The following NELL1 variants were observed in gnomAD, a reference collection of about 807,000 sequenced individuals.
NELL1 encodes neural EGFL like 1.
In NELL1, 76 loss-of-function variants were observed where a neutral mutation model predicts 107.4. That is an observed-to-expected ratio of 0.71 (90% CI 0.59 to 0.86). NELL1 has a LOEUF of 0.86. Ranked by LOEUF, NELL1 falls within the 40% of genes least tolerant of loss-of-function variation. The probability of loss-of-function intolerance (pLI) is 0.00; values close to 1 mark genes in which losing one functional copy is unlikely to be tolerated. For synonymous variants in NELL1, 353 were observed against 341.2 expected, an observed-to-expected ratio of 1.03 and a Z score of -0.38; for missense variants, 1,024 against 1,005.5, an observed-to-expected ratio of 1.02 and a Z score of -0.25.
chr11:21,251,551 G>A (rs562433227), intron 14 of NELL1, among the ~76,000 whole-genome samples: 221 of 151,650 alleles, frequency 1.5e-3, no homozygotes, highest in African/African-American at 4.7e-3. Context: ...ACCTCCACCC[G>A]CCATCAACAG....
intron 10 of NELL1, among the ~76,000 whole-genome samples, chr11:20,941,357 T>C (rs1035601701): frequency 6.6e-6 from 1 of 152,140 alleles, no homozygotes; most frequent in Admixed American, 6.5e-5. Context: ...TCTTACAATA[T>C]AGCATTGTGG....
At chr11:20,967,716 G>A (rs182612380) in intron 12 of NELL1, among the ~76,000 whole-genome samples, 23 of 152,244 alleles carry the variant, frequency 1.5e-4, no homozygotes, top group Admixed American at 1.4e-3. Flanking sequence ...GATCCCAGTA[G>A]CATCCACTCT....
chr11:21,297,647 T>C (rs1218898821), intron 14 of NELL1, among the ~76,000 whole-genome samples: 1 of 152,088 alleles, frequency 6.6e-6, no homozygotes, highest in African/African-American at 2.4e-5. Flanking sequence ...ATACTTGCTT[T>C]GAGCCATAAA....
intron 2 of NELL1, among the ~76,000 whole-genome samples, chr11:20,741,101 C>T (rs58217451): frequency 0.058 from 8,837 of 151,504 alleles, 888 homozygotes; most frequent in African/African-American, 0.2. Flanking sequence ...CCCCATCCCC[C>T]GTTTTAACTT....
intron 2 of NELL1, among the ~76,000 whole-genome samples, chr11:20,686,911 C>G (rs1565306910): frequency 6.7e-6 from 1 of 149,550 alleles, no homozygotes; most frequent in African/African-American, 2.5e-5. Context: ...AATAGTAGAA[C>G]ATGTGTGTAT....
intron 16 of NELL1, among the ~76,000 whole-genome samples, chr11:21,550,738 C>T (rs1418407566): frequency 6.6e-6 from 1 of 152,078 alleles, no homozygotes; most frequent in African/African-American, 2.4e-5. Context: ...GTTTTGGTTA[C>T]TGTAGCCTTG....
intron 13 of NELL1, among the ~76,000 whole-genome samples, chr11:21,202,027 G>A (rs1173924834): frequency 1.3e-5 from 2 of 152,174 alleles, no homozygotes; most frequent in Non-Finnish European, 2.9e-5. Flanking sequence ...GATTCGGTTT[G>A]CCAGTATTTT....
At chr11:20,678,110 C>T in intron 2 of NELL1, 50 bp downstream of exon 2, 1 of 1,607,032 alleles carries the variant, frequency 6.2e-7, no homozygotes, top group South Asian at 1.1e-5. Flanking sequence ...GGAGGAGGGT[C>T]TGTCTGGGGA....
intron 12 of NELL1, among the ~76,000 whole-genome samples, chr11:20,979,684 C>A (rs923853192): frequency 5.9e-5 from 9 of 152,116 alleles, no homozygotes; most frequent in Non-Finnish European, 1.0e-4. Flanking sequence ...ATTCTTGAAT[C>A]CTCTTTCTGC....
intron 13 of NELL1, among the ~76,000 whole-genome samples, chr11:21,207,868 T>A (rs1357053294): frequency 6.6e-6 from 1 of 152,194 alleles, no homozygotes; most frequent in African/African-American, 2.4e-5. Context: ...CAGTCTTAGA[T>A]ACATCTGGAA....
At chr11:21,468,532 G>C (rs148728160) in intron 15 of NELL1, among the ~76,000 whole-genome samples, 7 of 151,972 alleles carry the variant, frequency 4.6e-5, no homozygotes, top group African/African-American at 1.4e-4. Flanking sequence ...AAAAAGGTAT[G>C]AGCATGCCTT....
At chr11:20,830,881 G>T (rs1464467781) in intron 3 of NELL1, among the ~76,000 whole-genome samples, 1 of 152,108 alleles carries the variant, frequency 6.6e-6, no homozygotes, top group African/African-American at 2.4e-5. Context: ...ACACCCATAT[G>T]ATCCAAACAC....
rs371242513 is a variant in NELL1 at position 20,828,084 on chromosome 11, A to C, written c.336-19499A>C. 3.3e-5 allele frequency among the ~76,000 whole-genome samples: 5 copies of C among 151,204 alleles called. 1 individual carries two copies. In the East Asian group the frequency reaches 5.8e-4, roughly 17 times the overall value. On this transcript the variant is annotated intron_variant, in intron 3 of 19. Transcript: ENST00000357134. ...TAGTATTATATAAACTTGGGTTTCT[A>C]TCTTGGATCTACCACTTACTGGTTG...
intron 12 of NELL1, among the ~76,000 whole-genome samples, chr11:21,099,825 T>C (rs545177770): frequency 3.7e-4 from 56 of 152,308 alleles, no homozygotes; most frequent in African/African-American, 1.1e-3. Context: ...ATGCCTGTTT[T>C]CTTGTCCTCT....
At chr11:21,478,708 G>A (rs79547340) in intron 15 of NELL1, among the ~76,000 whole-genome samples, 2 of 148,632 alleles carry the variant, frequency 1.3e-5, no homozygotes, top group African/African-American at 2.5e-5. Context: ...AAAAAAAAAG[G>A]ACTTTTGCAC....
chr11:21,293,353 G>T (rs902865579), intron 14 of NELL1, among the ~76,000 whole-genome samples: 3 of 152,176 alleles, frequency 2.0e-5, no homozygotes, highest in African/African-American at 7.2e-5. Context: ...CTGGTCATTA[G>T]AGAAATACAA....
At chr11:20,805,646 G>T (rs1336767692) in intron 3 of NELL1, among the ~76,000 whole-genome samples, 10 of 152,100 alleles carry the variant, frequency 6.6e-5, no homozygotes, top group African/African-American at 2.4e-4. Context: ...GGGACTACAG[G>T]TGCCCACCAC....
At chr11:20,690,687 C>G (rs1854439965) in intron 2 of NELL1, among the ~76,000 whole-genome samples, 1 of 151,898 alleles carries the variant, frequency 6.6e-6, no homozygotes, top group Non-Finnish European at 1.5e-5. Context: ...TTACCGTAGC[C>G]TTGTAGCATA....
intron 12 of NELL1, among the ~76,000 whole-genome samples, chr11:20,964,364 A>G (rs1851348850): frequency 6.6e-6 from 1 of 152,210 alleles, no homozygotes; most frequent in Non-Finnish European, 1.5e-5. Context: ...ATAAAGAACA[A>G]TGTAATATCA....
Sources: allele counts gnomAD v4.1 joint callset (sites outside exome capture counted in the v4.1 genomes callset), GRCh38; gene constraint gnomAD v4.1.1; transcripts MANE v1.5; gene names NCBI Gene and HGNC (gene_info 2026-07-23, HGNC 2026-07-21).